CNOT8: variants seen among roughly 807,000 people sequenced by gnomAD.
CNOT8 encodes CCR4-NOT transcription complex subunit 8, also known as CAF1-like protein.
A neutral mutation model predicts 34.6 loss-of-function variants in CNOT8; 18 were observed. That is an observed-to-expected ratio of 0.52 (90% CI 0.36 to 0.77). The LOEUF is 0.77. Ranked by LOEUF, CNOT8 falls within the 30% of genes least tolerant of loss-of-function variation. The pLI, the probability that CNOT8 is intolerant of heterozygous loss-of-function variation, is 0.00. For missense variants in CNOT8, 189 were observed against 347.9 expected, an observed-to-expected ratio of 0.54 and a Z score of 3.63; for synonymous variants, 101 against 118.8, an observed-to-expected ratio of 0.85 and a Z score of 0.98.
upstream of CNOT8, chr5:154,858,464 A>C (rs1760999896): frequency 6.6e-6 from 1 of 152,190 alleles, no homozygotes; most frequent in Admixed American, 6.5e-5. Flanking sequence ...AGGGGCGCGC[A>C]AAGGGGGAGG....
intron 3 of CNOT8, among the ~76,000 whole-genome samples, chr5:154,869,335 T>G (rs529796177): frequency 5.1e-4 from 77 of 151,570 alleles, no homozygotes; most frequent in African/African-American, 1.7e-3. Context: ...GTCAGGCTGG[T>G]CTCGAACTCC....
At chr5:154,871,411 T>A (rs1762467595) in intron 4 of CNOT8, among the ~76,000 whole-genome samples, 1 of 151,932 alleles carries the variant, frequency 6.6e-6, no homozygotes, top group Non-Finnish European at 1.5e-5. Flanking sequence ...ATACAAAAAT[T>A]AGCCAGGCAT....
chr5:154,870,638 T>C (rs1762404071), intron 3 of CNOT8, 23 bp from the exon 4 acceptor site: 1 of 1,598,006 alleles, frequency 6.3e-7, no homozygotes, highest in Non-Finnish European at 8.5e-7. Context: ...CACCAGTTAA[T>C]AAATAAACAC....
At chr5:154,872,325 TAAC>T (rs1336397093) in intron 5 of CNOT8, among the ~76,000 whole-genome samples, 1 of 152,144 alleles carries the variant, frequency 6.6e-6, no homozygotes, top group Non-Finnish European at 1.5e-5. Flanking sequence ...CTGGAAAAAT[TAAC>T]AACATGGAAA....
At chr5:154,873,765 T>TA (rs1197788331) in intron 6 of CNOT8, among the ~76,000 whole-genome samples, 1 of 152,220 alleles carries the variant, frequency 6.6e-6, no homozygotes, top group Non-Finnish European at 1.5e-5. Context: ...AAACAACTGT[T>TA]ACCATGTGTT....
intron 1 of CNOT8, chr5:154,859,547 C>T (rs1161674404): frequency 6.6e-6 from 1 of 152,266 alleles, no homozygotes; most frequent in South Asian, 2.1e-4. Flanking sequence ...TTTATTTCTT[C>T]AAACGTGCCA....
chr5:154,870,855 C>T (rs1762422044), intron 4 of CNOT8, 33 bp downstream of exon 4: 1 of 1,564,166 alleles, frequency 6.4e-7, no homozygotes. Flanking sequence ...TTCTCTCTCA[C>T]TTTGGGCTAC....
intron 3 of CNOT8, 56 bp from the exon 4 acceptor site, chr5:154,870,605 G>A: frequency 1.4e-6 from 2 of 1,381,124 alleles, no homozygotes; most frequent in Non-Finnish European, 2.0e-6. Context: ...TAATAGTGTG[G>A]CCACTACTTC....
Position 154,875,476 on chromosome 5 carries a change from G to A in CNOT8, c.*37G>A. The A allele has an allele frequency of 6.2e-7, 1 of 1,608,662 alleles. No homozygotes were observed. The highest frequency in any genetic ancestry group is 1.1e-5 in the South Asian group (1 of 90,660). On this transcript the variant is annotated 3_prime_UTR_variant, in exon 7 of 7. Transcript: ENST00000285896. ...TCTGCAGGGTGGGCCTGATCCCAGA[G>A]TGGTGCTTACTGTGCTGACTGTGTA... is the stretch of plus-strand genomic sequence containing the variant.
chr5:154,861,576 C>A (rs1311724794), intron 1 of CNOT8, among the ~76,000 whole-genome samples: 5 of 152,228 alleles, frequency 3.3e-5, no homozygotes, highest in Non-Finnish European at 2.9e-5. Context: ...GAACCACTTA[C>A]ATTCGTTTTA....
chr5:154,870,833 G>A lies in CNOT8; in HGVS notation c.473+11G>A. 1 of 1,597,922 alleles carries A rather than the reference G, an allele frequency of 6.3e-7. No homozygotes were observed. The highest frequency in any genetic ancestry group is 8.5e-7 in the Non-Finnish European group (1 of 1,171,980). ...GCTTTCATTTCATAGGTCAGTCCTA[G>A]GGAATGTGTATTTCTCTCTCACTTT... On this transcript the variant is annotated intron_variant, in intron 4 of 6. Transcript: ENST00000285896.
chr5:154,871,203 A>G (rs781297790), intron 4 of CNOT8, among the ~76,000 whole-genome samples: 4 of 152,160 alleles, frequency 2.6e-5, no homozygotes, highest in African/African-American at 9.7e-5. Context: ...CGAATCTACA[A>G]TTAAACCCCT....
intron 3 of CNOT8, among the ~76,000 whole-genome samples, chr5:154,867,525 C>A (rs544584591): frequency 6.6e-6 from 1 of 152,036 alleles, no homozygotes; most frequent in African/African-American, 2.4e-5. Flanking sequence ...ATTGTTTGAA[C>A]CATTAGCAGG....
Position 154,863,372 on chromosome 5 carries a change from C to G in CNOT8, c.94C>G (p.Leu32Val). The G allele has an allele frequency of 6.2e-7, 1 of 1,612,998 alleles. No individual in the cohort carries two copies. Among genetic ancestry groups the G allele is most frequent in the Admixed American group, 1.7e-5 (1 of 60,012 alleles). Residue 32 changes from leucine (L) to valine (V), a missense_variant, in exon 2 of 7, where the codon CTC becomes GTC. This residue lies in a region of CNOT8 where 160 missense variants were observed against 321.9 expected (regional missense o/e 0.50). Transcript: ENST00000285896. ...EEMRKIREIV[L>V]SYSYIAMDTE... ...GATGAGGAAGATCCGAGAAATCGTG[C>G]TCAGTTACAGTTATATTGCCATGGT...
At chr5:154,865,490 A>C in intron 3 of CNOT8, 105 bp downstream of exon 3, 10 of 659,360 alleles carry the variant, frequency 1.5e-5, no homozygotes, top group Non-Finnish European at 2.2e-5. Context: ...AGGGAATCTC[A>C]GCAAGTGAAG....
rs761637865 is a variant in CNOT8, at chr5:154,863,356, G to C, written c.78G>C (p.Lys26Asn). 6.2e-6 allele frequency: 10 copies of C among 1,614,028 alleles called. No homozygotes were observed. In the South Asian group the frequency reaches 9.9e-5, roughly 16 times the overall value. Residue 26 changes from lysine (K) to asparagine (N), a missense_variant, in exon 2 of 7, where the codon AAG becomes AAC. Physicochemically the swap from Lys to Asn is moderately conservative, Grantham distance 94. Coordinates refer to ENST00000285896, the MANE Select transcript of CNOT8 (RefSeq NM_001301073.2). The stretch of plus-strand genomic sequence containing the variant: ...GTAATCTAGAAGAAGAGATGAGGAA[G>C]ATCCGAGAAATCGTGCTCAGTTACA... ...WASNLEEEMR[K>N]IREIVLSYSY...
intron 3 of CNOT8, among the ~76,000 whole-genome samples, chr5:154,869,035 A>G (rs976065300): frequency 6.6e-6 from 1 of 152,112 alleles, no homozygotes; most frequent in African/African-American, 2.4e-5. Flanking sequence ...TCTGAGTCTG[A>G]GGCAAGCAGC....
At chr5:154,865,964 A>G (rs1761826506) in intron 3 of CNOT8, among the ~76,000 whole-genome samples, 1 of 152,136 alleles carries the variant, frequency 6.6e-6, no homozygotes, top group East Asian at 1.9e-4. Context: ...TGTTGTGAAT[A>G]TTGCTGCTAT....
chr5:154,867,294 GTAGA>G (rs2113321535), intron 3 of CNOT8, among the ~76,000 whole-genome samples: 1 of 152,322 alleles, frequency 6.6e-6, no homozygotes, highest in Admixed American at 6.5e-5. Flanking sequence ...GTGTGTATGT[GTAGA>G]TAGAGAAAAT....
Sources: allele counts gnomAD v4.1 joint callset (sites outside exome capture counted in the v4.1 genomes callset), GRCh38; gene constraint gnomAD v4.1.1; regional missense constraint gnomAD v4.1.1; transcripts MANE v1.5; gene names NCBI Gene and HGNC (gene_info 2026-07-23, HGNC 2026-07-21).